UTRN: variants seen among roughly 807,000 people sequenced by gnomAD.
UTRN encodes the protein dystrophin-related protein 1.
In UTRN, 283 loss-of-function variants were observed where a neutral mutation model predicts 463.9. The observed-to-expected ratio is 0.61, with a 90% CI of 0.55 to 0.67. The LOEUF (loss-of-function observed/expected upper bound fraction) is 0.67. UTRN is among the 30% of genes least tolerant of loss of function. The probability of loss-of-function intolerance (pLI) is 0.00; values close to 1 mark genes in which losing one functional copy is unlikely to be tolerated. For missense variants in UTRN, 3,922 were observed against 4,084.3 expected (o/e 0.96, Z 1.08); for synonymous variants, 1,442 against 1,431.5 (o/e 1.01, Z -0.17).
intron 65 of UTRN, among the ~76,000 whole-genome samples, chr6:144,810,935 TAC>T (rs1166822054): frequency 6.6e-6 from 1 of 152,192 alleles, no homozygotes; most frequent in African/African-American, 2.4e-5. Flanking sequence ...TTTAAGCAAA[TAC>T]AGTTGTTTTA....
At chr6:144,484,997 C>T (rs1792285670) in intron 27 of UTRN, among the ~76,000 whole-genome samples, 2 of 151,972 alleles carry the variant, frequency 1.3e-5, no homozygotes, top group Admixed American at 6.5e-5. Context: ...TCACCGCAAC[C>T]TCCGCCTCCC....
At position 144,573,275 on chromosome 6, in the gene UTRN, G is replaced by A. The variant is rs188891920; in HGVS notation, c.7290-3824G>A. Among the ~76,000 whole-genome samples, 141 of 152,128 alleles carry A rather than the reference G, an allele frequency of 9.3e-4. 2 individuals carry two copies. The highest frequency in any genetic ancestry group is 4.8e-3 in the Admixed American group (74 of 15,270). On this transcript the variant is annotated intron_variant, in intron 50 of 74. Coordinates refer to ENST00000367545, the MANE Select transcript of UTRN (RefSeq NM_007124.3). ...CTAATTTTAAAGACATAGCATGGCC[G>A]GGCACAGTGGCTCAGCCTGTAATGC...
chr6:144,774,662 A>C (rs1387651848), intron 60 of UTRN, among the ~76,000 whole-genome samples: 1 of 152,182 alleles, frequency 6.6e-6, no homozygotes, highest in African/African-American at 2.4e-5. Flanking sequence ...AAATCAAAGA[A>C]AGTATTAAGT....
chr6:144,698,969 G>A (rs932543664), intron 52 of UTRN, among the ~76,000 whole-genome samples: 1 of 152,120 alleles, frequency 6.6e-6, no homozygotes, highest in Non-Finnish European at 1.5e-5. Context: ...TATTCACACT[G>A]GTCATTTGTC....
intron 52 of UTRN, among the ~76,000 whole-genome samples, chr6:144,682,378 A>T (rs550229162): frequency 6.6e-6 from 1 of 152,308 alleles, no homozygotes; most frequent in South Asian, 2.1e-4. Context: ...TTATCCATTT[A>T]TCTGTTGATG....
Position 144,286,992 on chromosome 6 carries a change from G to A in UTRN, c.-93+1171G>A, listed in dbSNP as rs1020888235. On this transcript the variant is annotated intron_variant, in intron 1 of 74. Coordinates refer to ENST00000367545, the MANE Select transcript of UTRN (RefSeq NM_007124.3). This position sits in a 1 kb window ranked among gnomAD's most constrained non-coding sequence, Gnocchi z 4.4. ...CGGCCAGAGCGCGCGGAGCTCGGGG[G>A]AGGCCGGATTCCCTAGGTCTGAGCC... Among the ~76,000 whole-genome samples, 2 of 152,140 alleles carry A rather than the reference G, an allele frequency of 1.3e-5. No individual in the cohort carries two copies. The highest frequency in any genetic ancestry group is 4.8e-5 in the African/African-American group (2 of 41,430).
At chr6:144,800,780 G>A (rs977297741) in intron 64 of UTRN, among the ~76,000 whole-genome samples, 1 of 152,150 alleles carries the variant, frequency 6.6e-6, no homozygotes, top group African/African-American at 2.4e-5. Context: ...ACCTATGAGT[G>A]TGTTGTTGAA....
intron 51 of UTRN, among the ~76,000 whole-genome samples, chr6:144,608,416 T>C (rs1461622036): frequency 6.6e-6 from 1 of 152,202 alleles, no homozygotes. Context: ...TCATTCTCTG[T>C]TCCCCTCTCT....
chr6:144,649,343 G>A (rs925439877), intron 51 of UTRN, among the ~76,000 whole-genome samples: 1 of 152,136 alleles, frequency 6.6e-6, no homozygotes, highest in African/African-American at 2.4e-5. Flanking sequence ...TTGAAAGTTA[G>A]GAGTCAGGGC....
At chr6:144,450,291 C>G (rs1788133944) in intron 17 of UTRN, among the ~76,000 whole-genome samples, 1 of 152,174 alleles carries the variant, frequency 6.6e-6, no homozygotes, top group Admixed American at 6.5e-5. Flanking sequence ...CCTGCAGGGC[C>G]TTCTTGTAGC....
intron 2 of UTRN, among the ~76,000 whole-genome samples, chr6:144,333,969 A>T (rs1037285141): frequency 2.6e-5 from 4 of 152,226 alleles, no homozygotes; most frequent in South Asian, 4.1e-4. Context: ...ACTAGGTATT[A>T]AAAAAGTACA....
intron 2 of UTRN, among the ~76,000 whole-genome samples, chr6:144,387,953 A>T (rs1287984344): frequency 6.6e-6 from 1 of 152,176 alleles, no homozygotes; most frequent in Non-Finnish European, 1.5e-5. Context: ...AGCCCAGTTT[A>T]TTTTTTAGCT....
intron 2 of UTRN, among the ~76,000 whole-genome samples, chr6:144,387,231 C>T (rs1350602064): frequency 6.6e-6 from 1 of 152,176 alleles, no homozygotes; most frequent in African/African-American, 2.4e-5. Flanking sequence ...CAACCTCCGC[C>T]TCCTGGGTTC....
At chr6:144,842,503 C>T (rs111926898) in intron 73 of UTRN, among the ~76,000 whole-genome samples, 8,098 of 152,168 alleles carry the variant, frequency 0.053, 219 homozygotes, top group Middle Eastern at 0.095. Flanking sequence ...GCATGAGAAT[C>T]GCTTGAACCT....
At chr6:144,772,629 A>T (rs1794201824) in intron 59 of UTRN, among the ~76,000 whole-genome samples, 2 of 152,226 alleles carry the variant, frequency 1.3e-5, no homozygotes, top group Non-Finnish European at 2.9e-5. Context: ...ACTTTAATCC[A>T]CTGCCTTAAA....
In UTRN at chr6:144,631,900, A is replaced by G. The variant is rs117001498; in HGVS notation, c.7480-46506A>G. Among the ~76,000 whole-genome samples the G allele has an allele frequency of 5.9e-3, 899 of 152,316 alleles. 7 individuals are homozygous for G. The highest frequency in any genetic ancestry group is 0.016 in the South Asian group (76 of 4,834). ...AGAGGGAATGGAGGCTAAATTTTCC[A>G]TGGTGAAGAAATTCTGACCTTTTCT... On this transcript the variant is annotated intron_variant, in intron 51 of 74. Transcript: ENST00000367545.
At chr6:144,339,392 A>G (rs936851678) in intron 2 of UTRN, among the ~76,000 whole-genome samples, 1 of 152,192 alleles carries the variant, frequency 6.6e-6, no homozygotes, top group Non-Finnish European at 1.5e-5. Flanking sequence ...ATTGTAGACC[A>G]GAAAAAGGGG....
At chr6:144,550,935 C>G (rs752291391) in intron 47 of UTRN, 30 bp from the exon 48 acceptor site, 15 of 1,550,726 alleles carry the variant, frequency 9.7e-6, no homozygotes. Flanking sequence ...GGCTTATTAA[C>G]CTATCCGAAT....
chr6:144,532,405 A>G (rs750422981), intron 42 of UTRN, among the ~76,000 whole-genome samples: 3 of 152,206 alleles, frequency 2.0e-5, no homozygotes, highest in African/African-American at 7.2e-5. Flanking sequence ...GGAAAGAAAC[A>G]TGTCCTTCTT....
Sources: gnomAD v4.1 joint callset for allele counts (sites outside exome capture counted in the v4.1 genomes callset) on GRCh38, gnomAD v4.1.1 for gene constraint, Gnocchi (gnomAD v3.1) non-coding constraint, MANE v1.5 for transcripts, NCBI Gene and HGNC (gene_info 2026-07-23, HGNC 2026-07-21) for gene names.